Variants in SETX observed in about 807,000 individuals in gnomAD.
SETX encodes the protein senataxin, also known as helicase senataxin.
Under a neutral mutation model 227.2 loss-of-function variants are expected in SETX, and 90 were observed. The observed-to-expected ratio is 0.40, with a 90% confidence interval of 0.33 to 0.47. The LOEUF (loss-of-function observed/expected upper bound fraction) is 0.47. SETX is among the 20% of genes least tolerant of loss of function. The pLI is 0.91. For synonymous variants in SETX, 1,210 were observed against 1,113.2 expected (o/e 1.09, Z -1.73); for missense variants, 3,052 against 3,181.5 (o/e 0.96, Z 0.98).
Position 132,264,192 on chromosome 9 carries a change from T to C in SETX, c.*47A>G, listed in dbSNP as rs372233154. 2 of 1,612,256 alleles carry C rather than the reference T, an allele frequency of 1.2e-6. No homozygotes were observed. Among genetic ancestry groups the C allele is most frequent in the Non-Finnish European group, 1.7e-6 (2 of 1,179,956 alleles). On this transcript the variant is annotated 3_prime_UTR_variant, in exon 26 of 26. Transcript: ENST00000224140. ...AGATGGTCCCACGAGCTGGTCATCT[T>C]CAGTTTACAATATGCTGTGGCTGCT...
chr9:132,321,433 G>A (rs1846321091), intron 10 of SETX, among the ~76,000 whole-genome samples: 1 of 152,042 alleles, frequency 6.6e-6, no homozygotes, highest in Non-Finnish European at 1.5e-5. Context: ...GAGGTGGGTG[G>A]ATCAAGATGT....
At chr9:132,288,748 A>C in intron 15 of SETX, 97 bp from the exon 16 acceptor site, 2 of 853,472 alleles carry the variant, frequency 2.3e-6, no homozygotes, top group Admixed American at 2.0e-5. Flanking sequence ...ATATGTTAAT[A>C]ATCAGAGAAG....
intron 21 of SETX, 73 bp from the exon 22 acceptor site, chr9:132,277,225 A>T (rs1166826555): frequency 3.1e-5 from 43 of 1,393,768 alleles, no homozygotes; most frequent in Non-Finnish European, 3.6e-5. Flanking sequence ...TATTACTACA[A>T]TTTTTTCTGT....
At chr9:132,332,742 G>C (rs983961504) in intron 7 of SETX, among the ~76,000 whole-genome samples, 2 of 151,768 alleles carry the variant, frequency 1.3e-5, no homozygotes, top group African/African-American at 4.8e-5. Context: ...CACCCATAGT[G>C]AGACTTTGTC....
At position 132,328,628 on chromosome 9, in the gene SETX, T is replaced by C; in HGVS notation, c.2970A>G (p.Lys990=). 1 of 1,613,526 alleles carries C rather than the reference T, an allele frequency of 6.2e-7. No individual in the cohort carries two copies. The highest frequency in any genetic ancestry group is 8.5e-7 in the Non-Finnish European group (1 of 1,179,754). ...TGAAACATCTTTTATCTTCTTTTAC[T>C]TTCCTTTGCAGCTGCGATGAGTTCT... ...SPQNSSQLQR[K]VKEDKRCFTA... Residue 990 remains lysine, a synonymous_variant, in exon 10 of 26, where the codon AAA becomes AAG. Coordinates refer to ENST00000224140, the MANE Select transcript of SETX (RefSeq NM_015046.7).
chr9:132,349,575 T>A, intron 2 of SETX, 140 bp from the exon 3 acceptor site: 1 of 789,970 alleles, frequency 1.3e-6, no homozygotes, highest in Non-Finnish European at 2.1e-6. Flanking sequence ...CTGGCTGGCT[T>A]ATCAATCACT....
At chr9:132,344,717 T>G (rs949653420) in intron 4 of SETX, among the ~76,000 whole-genome samples, 1 of 151,804 alleles carries the variant, frequency 6.6e-6, no homozygotes, top group East Asian at 1.9e-4. Context: ...CTACTAAAAA[T>G]ACAAAAAATT....
At chr9:132,268,367 T>C (rs1842743422) in intron 25 of SETX, among the ~76,000 whole-genome samples, 1 of 152,130 alleles carries the variant, frequency 6.6e-6, no homozygotes, top group South Asian at 2.1e-4. Flanking sequence ...AAAAATTAGG[T>C]ACATGCGCCT....
intron 10 of SETX, among the ~76,000 whole-genome samples, chr9:132,312,439 AT>A (rs1564520774): frequency 6.6e-6 from 1 of 152,250 alleles, no homozygotes; most frequent in African/African-American, 2.4e-5. Context: ...TAAAAAAGTC[AT>A]ATTAGCTTTC....
chr9:132,269,410 G>A (rs1464950933), intron 25 of SETX: 1 of 1,561,046 alleles, frequency 6.4e-7, no homozygotes, highest in Middle Eastern at 1.7e-4. Context: ...CACCTTGAGA[G>A]CCCAGTGTAG....
At position 132,300,685 on chromosome 9, in the gene SETX, T is replaced by C. The variant is rs1378848641; in HGVS notation, c.5493A>G (p.Gln1831=). The change falls in exon 12 of 26, where the codon CAA becomes CAG. Residue 1831 remains glutamine (Q), a synonymous_variant. Transcript: ENST00000224140. ...EKKDTERNDI[Q]DLHEYHSGYV... is the part of the protein sequence containing the mutation. ...AACCAGAATGATATTCGTGGAGATC[T>C]TGTATGTCATTTCTCTCTGTATCTT... is the stretch of plus-strand genomic sequence containing the variant. 3 of 1,613,812 alleles carry C rather than the reference T, an allele frequency of 1.9e-6. No homozygotes were observed. The highest frequency in any genetic ancestry group is 1.7e-5 in the Admixed American group (1 of 60,018).
chr9:132,313,233 T>C lies in SETX; in HGVS notation c.5275-1377A>G, dbSNP rs73547078. ...CCTTAAAAGGGTATATTTTATGGTA[T>C]AGTATACCTTAATAAAGCTGTTAAA... On this transcript the variant is annotated intron_variant, in intron 10 of 25. Coordinates refer to ENST00000224140, the MANE Select transcript of SETX (RefSeq NM_015046.7). Among the ~76,000 whole-genome samples the C allele has an allele frequency of 1.7e-3, 255 of 152,338 alleles. 1 individual carries two copies. The highest frequency in any genetic ancestry group is 5.7e-3 in the African/African-American group (238 of 41,570).
At chr9:132,298,800 C>T (rs961785055) in intron 12 of SETX, among the ~76,000 whole-genome samples, 2 of 152,140 alleles carry the variant, frequency 1.3e-5, no homozygotes, top group Non-Finnish European at 1.5e-5. Context: ...GAGAAGAACG[C>T]TTAGCGACTC....
chr9:132,289,057 A>G (rs1287048063), intron 15 of SETX, among the ~76,000 whole-genome samples: 2 of 152,222 alleles, frequency 1.3e-5, no homozygotes, highest in East Asian at 3.8e-4. Context: ...GGGTGCCTGC[A>G]TAAACCAGCC....
rs1343989108 is a variant in SETX, at chr9:132,330,517, C to T, written c.1099-18G>A. 2 of 1,604,592 alleles carry T rather than the reference C, an allele frequency of 1.2e-6. No homozygotes were observed. Among genetic ancestry groups the T allele is most frequent in the Non-Finnish European group, 1.7e-6 (2 of 1,175,814 alleles). ...CCAGAATCCTAAAATGAAAGAAATGCTGATGTTCAGATAAATAAGCACCAC... is the reference window on the plus strand; with the variant it reads ...CCAGAATCCTAAAATGAAAGAAATGTTGATGTTCAGATAAATAAGCACCAC... On this transcript the variant is annotated intron_variant, in intron 9 of 25. Coordinates refer to ENST00000224140, the MANE Select transcript of SETX (RefSeq NM_015046.7).
chr9:132,351,028 T>C (rs914904456), intron 2 of SETX, among the ~76,000 whole-genome samples: 2 of 152,176 alleles, frequency 1.3e-5, no homozygotes, highest in Non-Finnish European at 2.9e-5. Context: ...AAATGCCAAG[T>C]AACATGGGAT....
chr9:132,286,317 C>T, intron 18 of SETX, 106 bp downstream of exon 18: 4 of 839,578 alleles, frequency 4.8e-6, no homozygotes, highest in Non-Finnish European at 7.5e-6. Context: ...GAGACTCTGT[C>T]TCCAAAATAA....
intron 15 of SETX, among the ~76,000 whole-genome samples, chr9:132,289,301 TAGTTA>T (rs768339068): frequency 4.2e-4 from 64 of 152,224 alleles, no homozygotes; most frequent in Non-Finnish European, 8.8e-4. Context: ...AATAAATCAG[TAGTTA>T]AGTTTATACT....
At chr9:132,307,597 T>C (rs1335224288) in intron 11 of SETX, among the ~76,000 whole-genome samples, 2 of 151,920 alleles carry the variant, frequency 1.3e-5, no homozygotes, top group African/African-American at 4.8e-5. Flanking sequence ...CTGACTGAAA[T>C]GGACTGAAAC....
Sources: allele counts gnomAD v4.1 joint callset (sites outside exome capture counted in the v4.1 genomes callset), GRCh38; gene constraint gnomAD v4.1.1; transcripts MANE v1.5; gene names NCBI Gene and HGNC (gene_info 2026-07-23, HGNC 2026-07-21).